SLC35F4: variants seen among roughly 807,000 people sequenced by gnomAD.
SLC35F4 encodes chromosome 14 open reading frame 36.
In SLC35F4, 24 loss-of-function variants were observed where a neutral mutation model predicts 44.2. The observed-to-expected ratio is 0.54, with a 90% CI of 0.39 to 0.76. The LOEUF is 0.76. Ranked by LOEUF, SLC35F4 falls within the 30% of genes least tolerant of loss-of-function variation. The probability of loss-of-function intolerance (pLI) is 0.00; values close to 1 mark genes in which losing one functional copy is unlikely to be tolerated. For missense variants in SLC35F4, 562 were observed against 586.1 expected (o/e 0.96, Z 0.42); for synonymous variants, 238 against 223.6 (o/e 1.06, Z -0.57).
intron 1 of SLC35F4, among the ~76,000 whole-genome samples, chr14:57,823,438 T>A (rs1275187156): frequency 6.6e-6 from 1 of 152,210 alleles, no homozygotes; most frequent in Non-Finnish European, 1.5e-5. Context: ...GTTCGTGAAA[T>A]CAGGGTTAGT....
intron 1 of SLC35F4, among the ~76,000 whole-genome samples, chr14:57,712,589 T>C (rs1418284701): frequency 5.9e-5 from 9 of 152,246 alleles, no homozygotes; most frequent in Non-Finnish European, 1.2e-4. Flanking sequence ...GTAGCTGTTT[T>C]CTTCACTCCT....
chr14:57,853,467 T>C (rs528427036), intron 1 of SLC35F4, among the ~76,000 whole-genome samples: 1 of 152,142 alleles, frequency 6.6e-6, no homozygotes, highest in Middle Eastern at 3.2e-3. Context: ...ATACAGTCAA[T>C]AGGGTTACAG....
chr14:57,782,789 A>G (rs919941991), intron 1 of SLC35F4, among the ~76,000 whole-genome samples: 1 of 152,232 alleles, frequency 6.6e-6, no homozygotes, highest in Non-Finnish European at 1.5e-5. Flanking sequence ...GCAATACCAT[A>G]AACTTTGAAT....
intron 7 of SLC35F4, among the ~76,000 whole-genome samples, chr14:57,565,230 T>G (rs895464439): frequency 5.9e-5 from 9 of 152,198 alleles, no homozygotes; most frequent in Non-Finnish European, 1.2e-4. Flanking sequence ...TGTTTTCACT[T>G]TTTTGGGGTA....
At chr14:57,682,727 A>G (rs1418243389) in intron 1 of SLC35F4, among the ~76,000 whole-genome samples, 1 of 152,166 alleles carries the variant, frequency 6.6e-6, no homozygotes, top group Non-Finnish European at 1.5e-5. Context: ...GTGGATATGA[A>G]GCTGATTTAA....
At chr14:57,776,840 A>C (rs1249339408) in intron 1 of SLC35F4, among the ~76,000 whole-genome samples, 1 of 152,192 alleles carries the variant, frequency 6.6e-6, no homozygotes, top group Non-Finnish European at 1.5e-5. Context: ...AGGATTTCAT[A>C]TCTGGCCAAA....
At chr14:57,581,009 A>C in intron 4 of SLC35F4, 1 of 424,536 alleles carries the variant, frequency 2.4e-6, no homozygotes, top group Non-Finnish European at 4.1e-6. Flanking sequence ...GAATGAGCTC[A>C]CTAACCAGTG....
chr14:57,594,181 T>C (rs1412064730), intron 1 of SLC35F4, 57 bp from the exon 2 acceptor site: 2 of 1,464,542 alleles, frequency 1.4e-6, no homozygotes, highest in Non-Finnish European at 9.3e-7. Flanking sequence ...TGGAAGTAGA[T>C]TTTATTATTT....
intron 1 of SLC35F4, among the ~76,000 whole-genome samples, chr14:57,803,142 G>C (rs938088155): frequency 2.0e-5 from 3 of 152,026 alleles, no homozygotes; most frequent in Non-Finnish European, 4.4e-5. Flanking sequence ...ATTCAAGGTT[G>C]GTTTAACATA....
chr14:57,708,211 G>T (rs2075726271), intron 1 of SLC35F4, among the ~76,000 whole-genome samples: 1 of 152,128 alleles, frequency 6.6e-6, no homozygotes, highest in Admixed American at 6.5e-5. Flanking sequence ...GGCTCAACCA[G>T]TTCTGCTATC....
intron 1 of SLC35F4, among the ~76,000 whole-genome samples, chr14:57,750,756 G>A (rs144558400): frequency 5.3e-4 from 81 of 152,178 alleles, no homozygotes; most frequent in African/African-American, 1.8e-3. Context: ...TGTTGTTGCT[G>A]AGTTGTTTGA....
At chr14:57,884,264 A>G (rs572773928) in intron 1 of SLC35F4, among the ~76,000 whole-genome samples, 112 of 152,284 alleles carry the variant, frequency 7.4e-4, no homozygotes, top group African/African-American at 2.5e-3. Flanking sequence ...TCCTCAACAG[A>G]TTTTGGCTTT....
Position 57,838,928 on chromosome 14 carries a change from T to C in SLC35F4, c.103+26795A>G, listed in dbSNP as rs568251382. Among the ~76,000 whole-genome samples, 21 of 152,302 alleles carry C rather than the reference T, an allele frequency of 1.4e-4. No individual in the cohort carries two copies. In the South Asian group the frequency reaches 3.9e-3, roughly 29 times the overall value. On this transcript the variant is annotated intron_variant, in intron 1 of 7. Transcript: ENST00000556826. The stretch of plus-strand genomic sequence containing the variant: ...ATGAATAAAAAATAGGTAGGGACCA[T>C]ATTTGAGGATGCCATATGTACATAC...
At chr14:57,584,391 C>T (rs370007659) in intron 3 of SLC35F4, among the ~76,000 whole-genome samples, 9 of 152,240 alleles carry the variant, frequency 5.9e-5, no homozygotes, top group African/African-American at 1.9e-4. Context: ...TCCAGTCTTA[C>T]ACACTAACTC....
At chr14:57,749,462 T>C (rs2076833047) in intron 1 of SLC35F4, among the ~76,000 whole-genome samples, 1 of 152,108 alleles carries the variant, frequency 6.6e-6, no homozygotes, top group South Asian at 2.1e-4. Context: ...GACTCCCACA[T>C]GACTCAATAC....
chr14:57,733,857 A>C (rs2076404998), intron 1 of SLC35F4, among the ~76,000 whole-genome samples: 1 of 152,298 alleles, frequency 6.6e-6, no homozygotes, highest in South Asian at 2.1e-4. Context: ...TTAGTTTCCA[A>C]AAGAACTGTT....
chr14:57,901,317 A>G (rs1290047315), intron 1 of SLC35F4, among the ~76,000 whole-genome samples: 2 of 152,278 alleles, frequency 1.3e-5, no homozygotes, highest in Admixed American at 1.3e-4. Context: ...TGGTACATAT[A>G]CAACATAGAA....
chr14:57,775,140 C>CAGTGCACA (rs2077457708), intron 1 of SLC35F4, among the ~76,000 whole-genome samples: 1 of 152,264 alleles, frequency 6.6e-6, no homozygotes, highest in Non-Finnish European at 1.5e-5. Flanking sequence ...CACCCCACCC[C>CAGTGCACA]TGTGCTAACA....
At chr14:57,888,184 G>A (rs1441002836) in intron 1 of SLC35F4, among the ~76,000 whole-genome samples, 1 of 152,104 alleles carries the variant, frequency 6.6e-6, no homozygotes, top group Non-Finnish European at 1.5e-5. Context: ...GGAGATTTGG[G>A]TTATTGGAGT....
Sources: allele counts gnomAD v4.1 joint callset (sites outside exome capture counted in the v4.1 genomes callset), GRCh38; gene constraint gnomAD v4.1.1; transcripts MANE v1.5; gene names NCBI Gene and HGNC (gene_info 2026-07-23, HGNC 2026-07-21).